Variants in CMYA5 observed in about 807,000 individuals in gnomAD.
The protein encoded by CMYA5 is cardiomyopathy-associated protein 5.
CMYA5 carries 246 observed loss-of-function variants against 318.9 expected under a neutral mutation model. That is an observed-to-expected ratio of 0.77 (90% CI 0.70 to 0.86). The LOEUF (loss-of-function observed/expected upper bound fraction) is 0.86, where lower values mean the gene tolerates loss of function less well. Ranked by LOEUF, CMYA5 falls within the 40% of genes least tolerant of loss-of-function variation. The pLI is 0.00. For synonymous variants in CMYA5, 1,641 were observed against 1,729.5 expected, an observed-to-expected ratio of 0.95 and a Z score of 1.27; for missense variants, 4,589 against 4,678.2, an observed-to-expected ratio of 0.98 and a Z score of 0.56.
intron 12 of CMYA5, among the ~76,000 whole-genome samples, chr5:79,798,953 TA>T (rs1829323824): frequency 6.6e-6 from 1 of 152,212 alleles, no homozygotes; most frequent in Non-Finnish European, 1.5e-5. Context: ...TTTAAAACTG[TA>T]AAATTAATAC....
chr5:79,786,899 G>C (rs1326930815), intron 9 of CMYA5, among the ~76,000 whole-genome samples: 1 of 152,190 alleles, frequency 6.6e-6, no homozygotes. Context: ...TTATTTCACA[G>C]ATTCAATGAG....
chr5:79,697,102 T>A (rs1827082688), intron 1 of CMYA5, among the ~76,000 whole-genome samples: 1 of 152,212 alleles, frequency 6.6e-6, no homozygotes, highest in South Asian at 2.1e-4. Flanking sequence ...TATAAACATG[T>A]AGTGAACAAA....
At chr5:79,703,935 T>A (rs576245324) in intron 1 of CMYA5, among the ~76,000 whole-genome samples, 1 of 152,066 alleles carries the variant, frequency 6.6e-6, no homozygotes, top group Admixed American at 6.5e-5. Context: ...CTACAAAAAA[T>A]TAAAAAATTA....
chr5:79,711,795 A>T (rs1368441984), intron 1 of CMYA5, among the ~76,000 whole-genome samples: 3 of 152,232 alleles, frequency 2.0e-5, no homozygotes, highest in Admixed American at 1.3e-4. Context: ...AGTAACCATA[A>T]TATAATGATT....
rs779177993 is a variant in CMYA5, at chr5:79,729,239, C to G, written c.474C>G (p.Ser158=). Residue 158 remains serine (S), a synonymous_variant, in exon 2 of 13, where the codon TCC becomes TCG. Transcript: ENST00000446378. ...KGNRKRNSFE[S]QDVPTNKKGS... The stretch of plus-strand genomic sequence containing the variant: ...ACAGAAAAAGAAATTCTTTTGAATC[C>G]CAAGATGTTCCAACAAACAAAAAAG... 14 of 1,612,456 alleles carry G rather than the reference C, an allele frequency of 8.7e-6. No individual in the cohort carries two copies. The highest frequency in any genetic ancestry group is 1.2e-5 in the Non-Finnish European group (14 of 1,179,540).
chr5:79,718,758 C>A (rs1205237336), intron 1 of CMYA5, among the ~76,000 whole-genome samples: 2 of 152,122 alleles, frequency 1.3e-5, no homozygotes, highest in Admixed American at 1.3e-4. Context: ...ACTGCATATA[C>A]AACAGTGGTC....
chr5:79,750,846 T>G (rs571198877), intron 5 of CMYA5, among the ~76,000 whole-genome samples: 4 of 152,324 alleles, frequency 2.6e-5, no homozygotes, highest in African/African-American at 9.6e-5. Context: ...TGGAATAGGT[T>G]CGGTGCATAA....
chr5:79,748,487 T>C (rs1828369123), intron 5 of CMYA5, among the ~76,000 whole-genome samples: 1 of 150,848 alleles, frequency 6.6e-6, no homozygotes, highest in Admixed American at 6.6e-5. Flanking sequence ...CAGGCCTTAT[T>C]CCGAGTTCCC....
At chr5:79,795,626 A>C (rs999590924) in intron 12 of CMYA5, among the ~76,000 whole-genome samples, 1 of 152,238 alleles carries the variant, frequency 6.6e-6, no homozygotes, top group African/African-American at 2.4e-5. Flanking sequence ...CTGCTCAAAA[A>C]TCTACAAACA....
intron 11 of CMYA5, among the ~76,000 whole-genome samples, chr5:79,792,348 T>C (rs1045078029): frequency 3.4e-4 from 52 of 152,114 alleles, no homozygotes; most frequent in Admixed American, 3.3e-3. Flanking sequence ...ATTGAAGAAA[T>C]AGATTGAGCT....
chr5:79,732,010 C>T lies in CMYA5; in HGVS notation c.3245C>T (p.Pro1082Leu). 6.2e-7 allele frequency: 1 copy of T among 1,613,938 alleles called. No individual in the cohort carries two copies. Among genetic ancestry groups the T allele is most frequent in the Non-Finnish European group, 8.5e-7 (1 of 1,179,866 alleles). Residue 1082 changes from proline (P) to leucine (L), a missense_variant, in exon 2 of 13, where the codon CCT (proline) becomes CTT (leucine). By Grantham distance (98) the Pro-to-Leu change is moderately conservative. Transcript: ENST00000446378. ...CCGCTTGAAGACTTAAGTCTGCCGCCTTCAACAGATAAATCAGAGAAAGCA... is the reference window on the plus strand; with the variant it reads ...CCGCTTGAAGACTTAAGTCTGCCGCTTTCAACAGATAAATCAGAGAAAGCA... ...MSPLEDLSLP[P>L]STDKSEKAEI... is the part of the protein sequence containing the mutation.
intron 4 of CMYA5, among the ~76,000 whole-genome samples, chr5:79,746,189 C>T (rs1037892287): frequency 2.6e-5 from 4 of 152,192 alleles, no homozygotes; most frequent in Admixed American, 6.5e-5. Flanking sequence ...AATTGTCACA[C>T]AGCAAGAAGC....
rs180745048 is a variant in CMYA5 at position 79,729,043 on chromosome 5, C to G, written c.278C>G (p.Ser93Cys). 126 of 1,613,948 alleles carry G rather than the reference C, an allele frequency of 7.8e-5. No homozygotes were observed. The African/African-American group carries it at 1.4e-3, about 18-fold the overall frequency. ...TGGGAAACCAATTCAAGTAGATCTT[C>G]TACTCCTTGGGCTTCAGAAGAAAGT... ...ITWETNSSRS[S>C]TPWASEESQT... Residue 93 changes from serine (S) to cysteine (C), a missense_variant, in exon 2 of 13, where the codon TCT (serine) becomes TGT (cysteine). Physicochemically the swap from Ser to Cys is moderately radical, Grantham distance 112 (BLOSUM62 -1). Coordinates refer to ENST00000446378, the MANE Select transcript of CMYA5 (RefSeq NM_153610.5).
rs564164824 is a variant in CMYA5, at chr5:79,702,939, C to T, written c.149+12883C>T. ...AGAACAAGGAGCTGCACATCTATTT[C>T]TTTCCTCAGTAGCTCTCAAGTCGGT... On this transcript the variant is annotated intron_variant, in intron 1 of 12. Coordinates refer to ENST00000446378, the MANE Select transcript of CMYA5 (RefSeq NM_153610.5). Among the ~76,000 whole-genome samples the T allele has an allele frequency of 5.3e-5, 8 of 152,320 alleles. No homozygotes were observed. The South Asian group carries it at 1.5e-3, about 28-fold the overall frequency.
chr5:79,791,205 TG>T (rs1168869471), intron 11 of CMYA5, 136 bp downstream of exon 11: 33 of 636,262 alleles, frequency 5.2e-5, no homozygotes, highest in Non-Finnish European at 8.9e-5. Context: ...AATATCAATG[TG>T]TGCACATCCA....
intron 12 of CMYA5, among the ~76,000 whole-genome samples, chr5:79,797,988 A>T (rs1432324321): frequency 2.6e-5 from 4 of 152,032 alleles, no homozygotes; most frequent in African/African-American, 9.7e-5. Flanking sequence ...GCCAGTCCCC[A>T]TCATTGCTAC....
chr5:79,690,165 C>T, intron 1 of CMYA5, 109 bp downstream of exon 1: 1 of 1,340,974 alleles, frequency 7.5e-7, no homozygotes, highest in African/African-American at 1.5e-5. Context: ...TCGAGCTAGG[C>T]ACTTTCTCTC....
Position 79,714,434 on chromosome 5 carries a change from T to TTTCTTTTC in CMYA5, c.150-14479_150-14478insCTTTTCTT, listed in dbSNP as rs796379893. 5.3e-4 allele frequency among the ~76,000 whole-genome samples: 74 copies of TTTCTTTTC among 139,602 alleles called. No individual in the cohort carries two copies. The South Asian group carries it at 0.012, about 23-fold the overall frequency. The allele number at this position is 139,602 out of a possible 152,430, so 91.6% of individuals were successfully genotyped here. A position where few individuals can be genotyped will look rare whatever the true frequency, so the allele number is the denominator to read the frequency against. On this transcript the variant is annotated intron_variant, in intron 1 of 12. Coordinates refer to ENST00000446378, the MANE Select transcript of CMYA5 (RefSeq NM_153610.5). ...ATCTGATATCTTTTTTCTTTTTCTT[T>TTTCTTTTC]TTTTTTTTTTTTTTTTTGAGATGGG...
chr5:79,777,828 G>T (rs1828968555), intron 9 of CMYA5, among the ~76,000 whole-genome samples: 1 of 151,134 alleles, frequency 6.6e-6, no homozygotes, highest in Admixed American at 6.6e-5. Flanking sequence ...ATTGTTTTAA[G>T]AATATAATTT....
Sources: allele counts gnomAD v4.1 joint callset (sites outside exome capture counted in the v4.1 genomes callset), GRCh38; gene constraint gnomAD v4.1.1; transcripts MANE v1.5; gene names NCBI Gene and HGNC (gene_info 2026-07-23, HGNC 2026-07-21).